The following CCDC88B variants were observed in gnomAD, a reference collection of about 807,000 sequenced individuals.
The protein encoded by CCDC88B is coiled-coil and HOOK domain protein 88B, also known as coiled-coil domain-containing protein 88B.
Under a neutral mutation model 183.7 loss-of-function variants are expected in CCDC88B, and 138 were observed. That is an observed-to-expected ratio of 0.75 (90% CI 0.65 to 0.87). The LOEUF (loss-of-function observed/expected upper bound fraction) is 0.87. Among genes scored for constraint, CCDC88B ranks in the 40% least tolerant of loss-of-function variants. CCDC88B has a pLI of 0.00. For synonymous variants in CCDC88B, 835 were observed against 867.5 expected (o/e 0.96, Z 0.66); for missense variants, 1,822 against 1,965.6 (o/e 0.93, Z 1.38).
rs768109037 is a variant in CCDC88B at position 64,353,708 on chromosome 11, C to G, written c.3834-7C>G. On this transcript the variant is annotated splice_region_variant and splice_polypyrimidine_tract_variant and intron_variant, in intron 22 of 26. Coordinates refer to ENST00000356786, the MANE Select transcript of CCDC88B (RefSeq NM_032251.6). ...CACACCCACCTCTCCCTTCTCACTCCTGCCAGGGACCAGCTTAATGCCCTG... is the reference window on the plus strand; with the variant it reads ...CACACCCACCTCTCCCTTCTCACTCGTGCCAGGGACCAGCTTAATGCCCTG... 4 of 1,613,970 alleles carry G rather than the reference C, an allele frequency of 2.5e-6. No individual in the cohort carries two copies. The highest frequency in any genetic ancestry group is 3.4e-6 in the Non-Finnish European group (4 of 1,179,930).
chr11:64,343,638 C>T (rs2035978401), intron 12 of CCDC88B, 23 bp downstream of exon 12: 1 of 1,548,490 alleles, frequency 6.5e-7, no homozygotes, highest in Non-Finnish European at 8.7e-7. Flanking sequence ...ACTGGAAGGG[C>T]TGGGGTGGGG....
intron 10 of CCDC88B, 130 bp downstream of exon 10, chr11:64,342,810 G>T: frequency 8.6e-7 from 1 of 1,159,872 alleles, no homozygotes; most frequent in Non-Finnish European, 1.2e-6. Flanking sequence ...AGAAATGGGT[G>T]AGGACAAATT....
In CCDC88B at chr11:64,344,286, C is replaced by T; in HGVS notation, c.1745C>T (p.Pro582Leu). ...SDWSPQESGS[P>L]VETQESPEKA... ...TGGTCCCCGCAAGAGTCAGGCTCTCCTGTGGAGACACAGGAGTCCCCGGAG... is the reference window on the plus strand; with the variant it reads ...TGGTCCCCGCAAGAGTCAGGCTCTCTTGTGGAGACACAGGAGTCCCCGGAG... The change falls in exon 14 of 27, where the codon CCT becomes CTT. Residue 582 changes from proline (P) to leucine (L), a missense_variant. By Grantham distance (98) the Pro-to-Leu change is moderately conservative. Coordinates refer to ENST00000356786, the MANE Select transcript of CCDC88B (RefSeq NM_032251.6). This position sits in a 1 kb window ranked among gnomAD's most constrained non-coding sequence, Gnocchi z 4.5. 6.2e-7 allele frequency: 1 copy of T among 1,613,772 alleles called. No individual in the cohort carries two copies. The highest frequency in any genetic ancestry group is 8.5e-7 in the Non-Finnish European group (1 of 1,179,988).
Position 64,357,277 on chromosome 11 carries a change from G to A in CCDC88B, c.*183G>A. On this transcript the variant is annotated 3_prime_UTR_variant, in exon 27 of 27. Transcript: ENST00000356786. Reference sequence around the variant, plus strand: ...GCCCGGAGATGGAGCTGGGACGAGTGTGTGGACAGGGGGGATGGCTGGCCC... The same window carrying A: ...GCCCGGAGATGGAGCTGGGACGAGTATGTGGACAGGGGGGATGGCTGGCCC... 1.3e-6 allele frequency: 1 copy of A among 765,442 alleles called. No homozygotes were observed. Among genetic ancestry groups the A allele is most frequent in the Non-Finnish European group, 2.3e-6 (1 of 427,896 alleles). 47.4% of individuals were successfully genotyped at this position (765,442 alleles called of 1,614,324 possible).
At chr11:64,356,736 T>G in intron 26 of CCDC88B, 1 of 445,014 alleles carries the variant, frequency 2.2e-6, no homozygotes, top group Non-Finnish European at 4.0e-6. Flanking sequence ...AGGGGAGGGG[T>G]CAGGAGCTCA....
At chr11:64,341,946 C>T (rs1418043862) in intron 7 of CCDC88B, 48 bp from the exon 8 acceptor site, 1 of 1,610,302 alleles carries the variant, frequency 6.2e-7, no homozygotes. Context: ...GGTCGATGTG[C>T]AGAGGCATTG....
rs571353389 is a variant in CCDC88B, at chr11:64,341,168, C to T, written c.378C>T (p.Asp126=). Residue 126 remains aspartate, a synonymous_variant, in exon 4 of 27, where the codon GAC becomes GAT. Coordinates refer to ENST00000356786, the MANE Select transcript of CCDC88B (RefSeq NM_032251.6). ...PPPDLQTLGF[D]PLSEEAVEQL... ...CAGACCTCCAGACATTGGGATTTGA[C>T]CCTCTCTCAGGTGCTCTCCCCACCC... The T allele has an allele frequency of 6.2e-7, 1 of 1,614,104 alleles. No individual in the cohort carries two copies. Among genetic ancestry groups the T allele is most frequent in the South Asian group, 1.1e-5 (1 of 91,090 alleles).
chr11:64,344,630 A>G lies in CCDC88B; in HGVS notation c.2089A>G (p.Lys697Glu). ...EGTVRDPAWQ[K>E]PQQKSEGALE... The stretch of plus-strand genomic sequence containing the variant: ...GACGGTCAGGGACCCAGCCTGGCAA[A>G]AACCACAGCAGAAGTCAGAAGGGGC... Residue 697 changes from lysine to glutamate, a missense_variant, in exon 14 of 27, where the codon AAA becomes GAA. By Grantham distance (56) the Lys-to-Glu change is moderately conservative. Coordinates refer to ENST00000356786, the MANE Select transcript of CCDC88B (RefSeq NM_032251.6). This position sits in a 1 kb window ranked among gnomAD's most constrained non-coding sequence, Gnocchi z 4.5. 6.2e-7 allele frequency: 1 copy of G among 1,613,670 alleles called. No individual in the cohort carries two copies. Among genetic ancestry groups the G allele is most frequent in the Non-Finnish European group, 8.5e-7 (1 of 1,179,800 alleles).
rs764591280 is a variant in CCDC88B at position 64,340,731 on chromosome 11, T to G, written c.185T>G (p.Leu62Arg). Residue 62 changes from leucine to arginine, a missense_variant, in exon 2 of 27, where the codon CTC (leucine) becomes CGC (arginine). By Grantham distance (102) the Leu-to-Arg change is moderately radical. Transcript: ENST00000356786. ...CTGCGCCTCAGCGATGGGGCCCTGCTCCTCCGGGTGCTGGGCATCATGTAA... is the reference window on the plus strand; with the variant it reads ...CTGCGCCTCAGCGATGGGGCCCTGCGCCTCCGGGTGCTGGGCATCATGTAA... ...RFLRLSDGALLLRVLGIIAPS... is the reference protein window; with the variant it reads ...RFLRLSDGALRLRVLGIIAPS... 1.2e-6 allele frequency: 2 copies of G among 1,611,120 alleles called. No homozygotes were observed. The highest frequency in any genetic ancestry group is 1.7e-5 in the Admixed American group (1 of 59,856).
Position 64,355,195 on chromosome 11 carries a change from G to T in CCDC88B, c.4101G>T (p.Gly1367=). ...CCTCCCTGCATGTACCTCTTGCAGG[G>T]TCCCCTTCCCCGGCACCCATGCGCC... The part of the protein sequence containing the change: ...LPEGREADGT[G]SPSPAPMRRA... Residue 1367 remains glycine (G), a splice_region_variant and synonymous_variant, in exon 25 of 27, where the codon GGG becomes GGT. Transcript: ENST00000356786. The T allele has an allele frequency of 2.0e-6, 3 of 1,482,708 alleles. No individual in the cohort carries two copies. The highest frequency in any genetic ancestry group is 2.7e-6 in the Non-Finnish European group (3 of 1,118,488). 91.8% of individuals were successfully genotyped at this position (1,482,708 alleles called of 1,614,324 possible).
Position 64,343,683 on chromosome 11 carries a change from G to A in CCDC88B, c.1318+68G>A. The A allele has an allele frequency of 3.9e-6, 6 of 1,537,936 alleles. No homozygotes were observed. In the South Asian group the frequency reaches 7.2e-5, roughly 18 times the overall value. On this transcript the variant is annotated intron_variant, in intron 12 of 26. Coordinates refer to ENST00000356786, the MANE Select transcript of CCDC88B (RefSeq NM_032251.6). ...GCTTTCCAGCAGTGTACTGGGGAGAGCCTCTGACTCCCTCCCTTCTCCCAA... is the reference window on the plus strand; with the variant it reads ...GCTTTCCAGCAGTGTACTGGGGAGAACCTCTGACTCCCTCCCTTCTCCCAA...
At position 64,349,621 on chromosome 11, in the gene CCDC88B, A is replaced by T; in HGVS notation, c.2815A>T (p.Met939Leu). ...GGCGACCAGCAAGGAGGAGGCGCTGATGGAGCTCAAGACCAGGGCCCTGCA... is the reference window on the plus strand; with the variant it reads ...GGCGACCAGCAAGGAGGAGGCGCTGTTGGAGCTCAAGACCAGGGCCCTGCA... ...AAATSKEEAL[M>L]ELKTRALQLE... Residue 939 changes from methionine to leucine, a missense_variant, in exon 16 of 27, where the codon ATG becomes TTG. By Grantham distance (15) the Met-to-Leu change is conservative (BLOSUM62 2). Coordinates refer to ENST00000356786, the MANE Select transcript of CCDC88B (RefSeq NM_032251.6). 3 of 1,600,660 alleles carry T rather than the reference A, an allele frequency of 1.9e-6. No homozygotes were observed. The highest frequency in any genetic ancestry group is 4.5e-5 in the East Asian group (2 of 44,388).
Position 64,355,368 on chromosome 11 carries a change from G to GC in CCDC88B, c.4279dup (p.Leu1427ProfsTer20). On this transcript the variant is annotated frameshift_variant, in exon 25 of 27. Transcript: ENST00000356786. LOFTEE classifies it high-confidence loss of function. ...CAACGATTCCGACAGCGCCATCCAG[G>GC]CCCCCTGGGGGCGCCCGTCTCCCAC... 1 of 1,590,550 alleles carries GC rather than the reference G, an allele frequency of 6.3e-7. No individual in the cohort carries two copies. Among genetic ancestry groups the GC allele is most frequent in the Admixed American group, 1.8e-5 (1 of 56,532 alleles).
rs766929936 is a variant in CCDC88B, at chr11:64,341,248, C to T, written c.389-22C>T. 2.5e-6 allele frequency: 4 copies of T among 1,614,186 alleles called. No homozygotes were observed. The South Asian group carries it at 3.3e-5, about 13-fold the overall frequency. Reference sequence around the variant, plus strand: ...TCTACCTTCCCCGCCCCAGTTAACCCCTTGTGGCATGTGCCTTGCAGAAGA... The same window carrying T: ...TCTACCTTCCCCGCCCCAGTTAACCTCTTGTGGCATGTGCCTTGCAGAAGA... On this transcript the variant is annotated intron_variant, in intron 4 of 26. Coordinates refer to ENST00000356786, the MANE Select transcript of CCDC88B (RefSeq NM_032251.6).
Position 64,343,587 on chromosome 11 carries a change from G to A in CCDC88B, c.1290G>A (p.Leu430=), listed in dbSNP as rs891419035. 1.3e-6 allele frequency: 2 copies of A among 1,551,720 alleles called. No individual in the cohort carries two copies. The highest frequency in any genetic ancestry group is 3.9e-5 in the Admixed American group (2 of 51,012). Residue 430 remains leucine (L), a synonymous_variant, in exon 12 of 27, where the codon TTG becomes TTA. Transcript: ENST00000356786. ...TGGAGCTGGAGCTTCAGCGGAGCTT[G>A]GAGCCACCTCCAGGATCCCCTGGGG... The part of the protein sequence containing the change: ...VELELELQRS[L]EPPPGSPGEA...
Position 64,348,474 on chromosome 11 carries a change from C to G in CCDC88B, c.2617-857C>G, listed in dbSNP as rs540587347. 3.3e-5 allele frequency among the ~76,000 whole-genome samples: 5 copies of G among 152,312 alleles called. No individual in the cohort carries two copies. In the East Asian group the frequency reaches 9.7e-4, roughly 29 times the overall value. ...ATTCACCGTGCCTCCTACCCCAGTA[C>G]TTGCGCTAGTGGCTGTCAGCCAGCC... On this transcript the variant is annotated intron_variant, in intron 14 of 26. Transcript: ENST00000356786.
chr11:64,349,852 T>C, intron 16 of CCDC88B, 184 bp downstream of exon 16: 1 of 616,752 alleles, frequency 1.6e-6, no homozygotes, highest in Non-Finnish European at 2.9e-6. Flanking sequence ...CGTGTTGACT[T>C]ATCTGGGGTC....
At position 64,342,130 on chromosome 11, in the gene CCDC88B, G is replaced by T; in HGVS notation, c.812G>T (p.Arg271Leu). ...ANAKAQLRRL[R>L]QELEEKAELL... ...GCCAAGGCTCAGCTGCGGCGTCTGCGGCAGGAGCTGTGAGTGTGCGCAGCC... is the reference window on the plus strand; with the variant it reads ...GCCAAGGCTCAGCTGCGGCGTCTGCTGCAGGAGCTGTGAGTGTGCGCAGCC... Residue 271 changes from arginine to leucine, a missense_variant, in exon 8 of 27, where the codon CGG becomes CTG. Physicochemically the swap from Arg to Leu is moderately radical, Grantham distance 102. Coordinates refer to ENST00000356786, the MANE Select transcript of CCDC88B (RefSeq NM_032251.6). 1 of 1,608,584 alleles carries T rather than the reference G, an allele frequency of 6.2e-7. No homozygotes were observed. Among genetic ancestry groups the T allele is most frequent in the Non-Finnish European group, 8.5e-7 (1 of 1,178,560 alleles).
intron 10 of CCDC88B, 196 bp downstream of exon 10, chr11:64,342,876 T>TG (rs1348670562): frequency 2.0e-6 from 1 of 488,432 alleles, no homozygotes; most frequent in African/African-American, 2.3e-5. Flanking sequence ...TGTAGGGGAG[T>TG]GGGGGGGCTG....
Sources: allele counts gnomAD v4.1 joint callset (sites outside exome capture counted in the v4.1 genomes callset), GRCh38; gene constraint gnomAD v4.1.1; non-coding constraint Gnocchi (gnomAD v3.1); transcripts MANE v1.5; gene names NCBI Gene and HGNC (gene_info 2026-07-23, HGNC 2026-07-21).